Variants in KIAA2012 observed in about 807,000 individuals in gnomAD.
KIAA2012 encodes the protein uncharacterized protein KIAA2012.
KIAA2012 carries 125 observed loss-of-function variants against 150.6 expected under a neutral mutation model. That is an observed-to-expected ratio of 0.83 (90% confidence interval 0.72 to 0.96). The LOEUF (loss-of-function observed/expected upper bound fraction) is 0.96, where lower values mean the gene tolerates loss of function less well. Ranked by LOEUF, KIAA2012 falls within the 40% of genes least tolerant of loss-of-function variation. The probability of loss-of-function intolerance (pLI) is 0.00; values close to 1 mark genes in which losing one functional copy is unlikely to be tolerated. For missense variants in KIAA2012, 1,219 were observed against 1,354.9 expected (o/e 0.90, Z 1.57); for synonymous variants, 462 against 504.7 (o/e 0.92, Z 1.13).
intron 15 of KIAA2012, among the ~76,000 whole-genome samples, chr2:202,172,011 T>G (rs1025144933): frequency 1.3e-5 from 2 of 152,174 alleles, no homozygotes; most frequent in African/African-American, 4.8e-5. Context: ...CACGCCCTGC[T>G]AATTTTTGTA....
rs1559233564 is a variant in KIAA2012 at position 202,190,314 on chromosome 2, A to AC, written c.2634dup (p.Ser879LeufsTer3). On this transcript the variant is annotated frameshift_variant, in exon 19 of 24. Transcript: ENST00000498697. LOFTEE classifies it high-confidence loss of function. ...TGTCAGCTATGAGGAAACAGAAGAC[A>AC]CCTCAAATAGAGGTTCCTTTGCCTC... 6.4e-7 allele frequency: 1 copy of AC among 1,550,574 alleles called. No individual in the cohort carries two copies. Among genetic ancestry groups the AC allele is most frequent in the Non-Finnish European group, 8.7e-7 (1 of 1,147,010 alleles).
chr2:202,134,300 A>G (rs1452310014), intron 12 of KIAA2012, among the ~76,000 whole-genome samples: 1 of 152,234 alleles, frequency 6.6e-6, no homozygotes, highest in East Asian at 1.9e-4. Context: ...GATTTAAAGA[A>G]GCTCCTGCCA....
intron 15 of KIAA2012, among the ~76,000 whole-genome samples, chr2:202,175,338 G>A (rs901805410): frequency 1.3e-5 from 2 of 152,172 alleles, no homozygotes; most frequent in Non-Finnish European, 2.9e-5. Flanking sequence ...ATCCCCAACA[G>A]GGTTTTTGGC....
At position 202,073,566 on chromosome 2, in the gene KIAA2012, C is replaced by G. The variant is rs975878110; in HGVS notation, c.-62C>G. On this transcript the variant is annotated 5_prime_UTR_variant, in exon 1 of 24. Coordinates refer to ENST00000498697, the MANE Select transcript of KIAA2012 (RefSeq NM_001277372.4). ...GAGCTCTGGAAATCTTGAGGTGTGA[C>G]CAGATTTCAGCCTTCAAAACCAAGA... The G allele has an allele frequency of 1.7e-5, 25 of 1,439,988 alleles. No individual in the cohort carries two copies. The highest frequency in any genetic ancestry group is 2.1e-5 in the Non-Finnish European group (22 of 1,051,072). The allele number at this position is 1,439,988 out of a possible 1,614,324, so 89.2% of individuals were successfully genotyped here.
intron 15 of KIAA2012, among the ~76,000 whole-genome samples, chr2:202,169,976 C>T (rs945156798): frequency 6.6e-6 from 1 of 152,180 alleles, no homozygotes; most frequent in Non-Finnish European, 1.5e-5. Context: ...GTCTATGAGT[C>T]GCTCAGGCTT....
chr2:202,156,717 C>G (rs1227107007), intron 14 of KIAA2012, among the ~76,000 whole-genome samples: 1 of 152,154 alleles, frequency 6.6e-6, no homozygotes. Flanking sequence ...AACCCCATCT[C>G]TACTAAAAAT....
chr2:202,188,813 A>G (rs1460438716), intron 18 of KIAA2012, among the ~76,000 whole-genome samples: 1 of 152,206 alleles, frequency 6.6e-6, no homozygotes, highest in African/African-American at 2.4e-5. Context: ...GGATGCCACA[A>G]GTGTTGAATG....
chr2:202,199,920 ATTTTTTTTTTTTT>A (rs71025287), intron 22 of KIAA2012, among the ~76,000 whole-genome samples: 1 of 76,270 alleles, frequency 1.3e-5, no homozygotes, highest in Admixed American at 1.9e-4. Flanking sequence ...GCCCCTCATA[ATTTTTTTTTTTTT>A]TTTTTTTTTT....
intron 4 of KIAA2012, among the ~76,000 whole-genome samples, chr2:202,095,871 G>C (rs1689858659): frequency 6.6e-6 from 1 of 152,140 alleles, no homozygotes; most frequent in South Asian, 2.1e-4. Flanking sequence ...ATCACTTGAG[G>C]TCAGGAGTTA....
intron 3 of KIAA2012, among the ~76,000 whole-genome samples, chr2:202,092,728 G>A (rs569817358): frequency 6.6e-6 from 1 of 152,180 alleles, no homozygotes; most frequent in African/African-American, 2.4e-5. Flanking sequence ...CCTGAGGCAG[G>A]AGGAGCTTTT....
At chr2:202,157,972 C>T (rs1559223348) in intron 14 of KIAA2012, among the ~76,000 whole-genome samples, 1 of 152,164 alleles carries the variant, frequency 6.6e-6, no homozygotes. Context: ...GCTTTCTCTC[C>T]CACTGATCAT....
intron 1 of KIAA2012, 109 bp downstream of exon 1, chr2:202,073,820 G>A: frequency 1.1e-6 from 1 of 877,838 alleles, no homozygotes; most frequent in Non-Finnish European, 1.8e-6. Flanking sequence ...TGTTAGTGAG[G>A]TGGCGGGGTC....
At chr2:202,190,598 G>C (rs1443595504) in intron 19 of KIAA2012, 105 bp downstream of exon 19, 1 of 832,904 alleles carries the variant, frequency 1.2e-6, no homozygotes, top group African/African-American at 1.7e-5. Flanking sequence ...TACTAAAACA[G>C]CTCGACCACC....
At chr2:202,117,507 G>A (rs936854197) in intron 11 of KIAA2012, among the ~76,000 whole-genome samples, 1 of 152,138 alleles carries the variant, frequency 6.6e-6, no homozygotes, top group Non-Finnish European at 1.5e-5. Context: ...GAGATGTAAG[G>A]GAGGACAATT....
At chr2:202,184,145 G>T (rs1692177891) in intron 15 of KIAA2012, among the ~76,000 whole-genome samples, 1 of 152,092 alleles carries the variant, frequency 6.6e-6, no homozygotes, top group Non-Finnish European at 1.5e-5. Context: ...CAGCACTTTG[G>T]GAGGCCAAGG....
chr2:202,120,198 C>T lies in KIAA2012; in HGVS notation c.1763-5016C>T, dbSNP rs757969563. ...GACTAATACACTGTGCAACATAGTG[C>T]GATCCCGTCTCTGCAAAAACTTTTA... On this transcript the variant is annotated intron_variant, in intron 11 of 23. Transcript: ENST00000498697. Among the ~76,000 whole-genome samples the T allele has an allele frequency of 3.9e-5, 6 of 152,136 alleles. 1 individual carries two copies. The highest frequency in any genetic ancestry group is 2.1e-4 in the South Asian group (1 of 4,828).
At position 202,153,929 on chromosome 2, in the gene KIAA2012, A is replaced by G. The variant is rs1244658772; in HGVS notation, c.1909-744A>G. On this transcript the variant is annotated intron_variant, in intron 13 of 23. Coordinates refer to ENST00000498697, the MANE Select transcript of KIAA2012 (RefSeq NM_001277372.4). ...AGGACAATGGCCTTTGAAGGTATCA[A>G]GCAGAGAAGTGATATGGTCCAGTAT... Among the ~76,000 whole-genome samples the G allele has an allele frequency of 3.3e-5, 5 of 152,316 alleles. No individual in the cohort carries two copies. The Middle Eastern group carries it at 0.014, about 414-fold the overall frequency.
chr2:202,199,212 ATTTCATCTTCACTGT>A (rs1692468114), intron 22 of KIAA2012, among the ~76,000 whole-genome samples: 1 of 152,160 alleles, frequency 6.6e-6, no homozygotes, highest in Non-Finnish European at 1.5e-5. Context: ...AACTGGCTTT[ATTTCATCTTCACTGT>A]GTGACACTGG....
At chr2:202,144,610 G>A (rs2049193) in intron 13 of KIAA2012, among the ~76,000 whole-genome samples, 48,041 of 151,958 alleles carry the variant, frequency 0.32, 7,887 homozygotes, top group African/African-American at 0.39. Flanking sequence ...CTTTTAAGCC[G>A]TACCCTACCC....
Sources: allele counts gnomAD v4.1 joint callset (sites outside exome capture counted in the v4.1 genomes callset), GRCh38; gene constraint gnomAD v4.1.1; transcripts MANE v1.5; gene names NCBI Gene and HGNC (gene_info 2026-07-23, HGNC 2026-07-21).